ADK: variants seen among roughly 807,000 people sequenced by gnomAD.
ADK encodes the protein N6,N6-dimethyladenosine kinase.
A neutral mutation model predicts 44.7 loss-of-function variants in ADK; 24 were observed. The ratio of observed to expected loss-of-function variants is 0.54; its 90% CI spans 0.39 to 0.76. ADK has a LOEUF of 0.76. ADK is among the 30% of genes least tolerant of loss of function. ADK has a pLI of 0.00. For synonymous variants in ADK, 128 were observed against 142.6 expected (o/e 0.90, Z 0.73); for missense variants, 321 against 425.1 (o/e 0.76, Z 2.15).
chr10:74,403,154 A>G (rs570569790), intron 6 of ADK, among the ~76,000 whole-genome samples: 3 of 152,152 alleles, frequency 2.0e-5, no homozygotes, highest in African/African-American at 7.2e-5. Flanking sequence ...GTTGGCCCCT[A>G]CTGGGAGGTA....
chr10:74,207,593 A>G (rs1843650583), intron 2 of ADK, among the ~76,000 whole-genome samples: 2 of 152,128 alleles, frequency 1.3e-5, no homozygotes, highest in African/African-American at 4.8e-5. Context: ...TGAGACCCCG[A>G]GGGGGTAACT....
intron 7 of ADK, 60 bp downstream of exon 7, chr10:74,525,486 G>A: frequency 7.2e-7 from 1 of 1,386,124 alleles, no homozygotes; most frequent in Non-Finnish European, 1.0e-6. Flanking sequence ...TATTTCTGAT[G>A]TGTGTATATA....
chr10:74,249,176 T>C (rs1564617015), intron 3 of ADK, among the ~76,000 whole-genome samples: 1 of 152,170 alleles, frequency 6.6e-6, no homozygotes, highest in Admixed American at 6.5e-5. Context: ...ACATATTTCT[T>C]CTTAATTTAA....
chr10:74,555,698 A>G (rs1025544740), intron 7 of ADK, among the ~76,000 whole-genome samples: 1 of 152,186 alleles, frequency 6.6e-6, no homozygotes, highest in African/African-American at 2.4e-5. Context: ...AAAATGCAAG[A>G]CAATCAGAGA....
chr10:74,580,574 TAAAAA>T (rs11289206), intron 7 of ADK, among the ~76,000 whole-genome samples: 2 of 134,362 alleles, frequency 1.5e-5, no homozygotes, highest in Admixed American at 7.4e-5. Flanking sequence ...AAACTCCATC[TAAAAA>T]AAAAAAAAAA....
At chr10:74,316,293 AG>A (rs1840617112) in intron 4 of ADK, among the ~76,000 whole-genome samples, 1 of 152,130 alleles carries the variant, frequency 6.6e-6, no homozygotes, top group Admixed American at 6.5e-5. Flanking sequence ...TAATTTATCA[AG>A]GCACGTTTTG....
chr10:74,465,321 G>A (rs1000553280), intron 6 of ADK, among the ~76,000 whole-genome samples: 2 of 152,148 alleles, frequency 1.3e-5, no homozygotes, highest in African/African-American at 2.4e-5. Flanking sequence ...AGTAAAATGA[G>A]CAATGGGAAA....
chr10:74,571,105 T>C (rs1033900926), intron 7 of ADK, among the ~76,000 whole-genome samples: 6 of 152,248 alleles, frequency 3.9e-5, no homozygotes, highest in African/African-American at 1.4e-4. Context: ...GATTTGCGTA[T>C]ATTGAACCAG....
At chr10:74,230,132 C>A (rs1202837186) in intron 3 of ADK, among the ~76,000 whole-genome samples, 2 of 143,972 alleles carry the variant, frequency 1.4e-5, no homozygotes, top group Admixed American at 7.2e-5. Flanking sequence ...AGCAAAAAGT[C>A]AAAATTGAAA....
chr10:74,360,504 T>G (rs1279972921), intron 4 of ADK, among the ~76,000 whole-genome samples: 2 of 152,294 alleles, frequency 1.3e-5, no homozygotes, highest in East Asian at 3.9e-4. Context: ...CCTACTATTA[T>G]TGTATTTATC....
intron 6 of ADK, among the ~76,000 whole-genome samples, chr10:74,467,953 C>G (rs561620864): frequency 2.6e-5 from 4 of 152,220 alleles, no homozygotes; most frequent in African/African-American, 9.6e-5. Context: ...AGGTCTTTTC[C>G]TGTATACCAC....
At chr10:74,180,271 T>G (rs1467279272) in intron 1 of ADK, among the ~76,000 whole-genome samples, 1 of 150,200 alleles carries the variant, frequency 6.7e-6, no homozygotes. Flanking sequence ...AGTGTCTTGC[T>G]CTGTCGCCCA....
chr10:74,635,886 C>A (rs959332140), intron 9 of ADK, among the ~76,000 whole-genome samples: 11 of 150,790 alleles, frequency 7.3e-5, no homozygotes, highest in Non-Finnish European at 1.2e-4. Context: ...GGATTGGAGA[C>A]CAACCTGGGC....
intron 10 of ADK, among the ~76,000 whole-genome samples, chr10:74,695,861 A>G (rs1304910745): frequency 1.3e-5 from 2 of 151,870 alleles, no homozygotes; most frequent in Non-Finnish European, 2.9e-5. Flanking sequence ...GCTGGTCTTG[A>G]ACTCTTGGGC....
chr10:74,584,205 T>C (rs771431427), intron 7 of ADK, among the ~76,000 whole-genome samples: 10 of 152,180 alleles, frequency 6.6e-5, no homozygotes, highest in Non-Finnish European at 1.2e-4. Flanking sequence ...TAAAGTACTC[T>C]AGGTGCTCTG....
chr10:74,584,785 C>A (rs1458282909), intron 7 of ADK, among the ~76,000 whole-genome samples: 2 of 152,098 alleles, frequency 1.3e-5, no homozygotes, highest in East Asian at 3.9e-4. Flanking sequence ...GATGAAGAAG[C>A]AAAGTAAGAA....
At chr10:74,691,714 A>G (rs2134267203) in intron 10 of ADK, among the ~76,000 whole-genome samples, 1 of 151,390 alleles carries the variant, frequency 6.6e-6, no homozygotes, top group African/African-American at 2.4e-5. Context: ...CAAAGCACGC[A>G]ACAGATCAAT....
chr10:74,394,843 G>A (rs1843453107), intron 5 of ADK, among the ~76,000 whole-genome samples: 1 of 152,038 alleles, frequency 6.6e-6, no homozygotes, highest in African/African-American at 2.4e-5. Context: ...AAACTCAGTC[G>A]TGGGTAGTAT....
At chr10:74,694,146 C>CTTTTTTTTTTTTTTT (rs1266786094) in intron 10 of ADK, among the ~76,000 whole-genome samples, 7 of 36,306 alleles carry the variant, frequency 1.9e-4, no homozygotes, top group Non-Finnish European at 3.5e-4. Flanking sequence ...TTTTCAAACA[C>CTTTTTTTTTTTTTTT]ATTTTTTTTT....
Sources: allele counts gnomAD v4.1 joint callset (sites outside exome capture counted in the v4.1 genomes callset), GRCh38; gene constraint gnomAD v4.1.1; transcripts MANE v1.5; gene names NCBI Gene and HGNC (gene_info 2026-07-23, HGNC 2026-07-21).